Variants in SEMA3C observed in about 807,000 individuals in gnomAD.
SEMA3C encodes the protein semaphorin 3C, also known as semaphorin-3C.
In SEMA3C, 47 loss-of-function variants were observed where a neutral mutation model predicts 89.4. The observed-to-expected ratio is 0.53, with a 90% CI of 0.42 to 0.67. The LOEUF is 0.67. Ranked by LOEUF, SEMA3C falls within the 30% of genes least tolerant of loss-of-function variation. SEMA3C has a pLI of 0.00. For missense variants in SEMA3C, 839 were observed against 929.1 expected (o/e 0.90, Z 1.26); for synonymous variants, 310 against 320.2 (o/e 0.97, Z 0.34).
At chr7:80,814,573 T>C (rs1284353454) in intron 5 of SEMA3C, among the ~76,000 whole-genome samples, 3 of 152,082 alleles carry the variant, frequency 2.0e-5, no homozygotes, top group Admixed American at 2.0e-4. Flanking sequence ...CACACGTGTA[T>C]ATACTCAGTC....
In SEMA3C at chr7:80,789,395, C is replaced by T. The variant is rs780344553; in HGVS notation, c.1265G>A (p.Arg422His). ...YPIHKRPLIV[R>H]IGTDYKYTKI... ...TGTATACTTGTAGTCAGTGCCAATA[C>T]GAACAATCAAAGGCCTTTTGTGGAT... is the stretch of plus-strand genomic sequence containing the variant. Residue 422 changes from arginine (R) to histidine (H), a missense_variant, in exon 12 of 18, where the codon CGT becomes CAT. Arg to His is a conservative substitution (Grantham distance 29). Coordinates refer to ENST00000265361, the MANE Select transcript of SEMA3C (RefSeq NM_006379.5). 1.6e-5 allele frequency: 26 copies of T among 1,613,882 alleles called. No homozygotes were observed. Among genetic ancestry groups the T allele is most frequent in the South Asian group, 4.4e-5 (4 of 91,072 alleles).
chr7:80,757,101 C>T (rs945844925), intron 15 of SEMA3C, among the ~76,000 whole-genome samples: 1 of 152,082 alleles, frequency 6.6e-6, no homozygotes, highest in African/African-American at 2.4e-5. Context: ...ACTTTTAATA[C>T]ACAAAAGCTC....
At chr7:80,881,156 G>T in intron 2 of SEMA3C, among the ~76,000 whole-genome samples, 1 of 140,766 alleles carries the variant, frequency 7.1e-6, no homozygotes, top group African/African-American at 2.7e-5. Context: ...TTGTTGCCTG[G>T]AGAAAGAAAC....
chr7:80,897,747 C>A (rs1340878604), intron 2 of SEMA3C, among the ~76,000 whole-genome samples: 1 of 152,046 alleles, frequency 6.6e-6, no homozygotes, highest in African/African-American at 2.4e-5. Context: ...CTTCATTTAC[C>A]ATTTAAAAGA....
chr7:80,781,764 A>C (rs986586802), intron 12 of SEMA3C, among the ~76,000 whole-genome samples: 1 of 152,176 alleles, frequency 6.6e-6, no homozygotes. Flanking sequence ...TCAGGCTAGA[A>C]AATTTTCCTT....
rs1197761330 is a variant in SEMA3C at position 80,744,328 on chromosome 7, A to G, written c.*566T>C. On this transcript the variant is annotated 3_prime_UTR_variant, in exon 18 of 18. Transcript: ENST00000265361. ...CTGATTATTTTTACAATCTTAAAAAAACCCCAACATATTTCATTGGAACCA... is the reference window on the plus strand; with the variant it reads ...CTGATTATTTTTACAATCTTAAAAAGACCCCAACATATTTCATTGGAACCA... 3 of 152,596 alleles carry G rather than the reference A, an allele frequency of 2.0e-5. No homozygotes were observed. The highest frequency in any genetic ancestry group is 1.3e-4 in the Admixed American group (2 of 15,286). The allele number at this position is 152,596 out of a possible 1,614,324, so 9.5% of individuals were successfully genotyped here.
intron 12 of SEMA3C, among the ~76,000 whole-genome samples, chr7:80,767,212 A>T (rs1788325140): frequency 6.6e-6 from 1 of 152,198 alleles, no homozygotes; most frequent in African/African-American, 2.4e-5. Context: ...GCAGGAACTT[A>T]GGTTGCTGCA....
chr7:80,818,522 G>A (rs1789666068), intron 4 of SEMA3C, 104 bp from the exon 5 acceptor site: 2 of 1,327,638 alleles, frequency 1.5e-6, no homozygotes, highest in Non-Finnish European at 2.1e-6. Flanking sequence ...ACAATGAGGT[G>A]ACATAAACTT....
intron 12 of SEMA3C, among the ~76,000 whole-genome samples, chr7:80,784,743 T>C (rs1369809423): frequency 6.6e-6 from 1 of 152,202 alleles, no homozygotes; most frequent in Non-Finnish European, 1.5e-5. Flanking sequence ...TGGGTGTGGC[T>C]ATATTTTAAT....
chr7:80,850,625 G>A (rs1044559001), intron 2 of SEMA3C, among the ~76,000 whole-genome samples: 1 of 152,070 alleles, frequency 6.6e-6, no homozygotes, highest in African/African-American at 2.4e-5. Flanking sequence ...GACGGTCACC[G>A]GAGTGACAAA....
chr7:80,872,797 C>CTCAA (rs1491206589), intron 2 of SEMA3C, among the ~76,000 whole-genome samples: 3 of 40,100 alleles, frequency 7.5e-5, no homozygotes, highest in African/African-American at 2.5e-4. Flanking sequence ...GAGACTCTGT[C>CTCAA]AAAAAAAAAA....
intron 2 of SEMA3C, among the ~76,000 whole-genome samples, chr7:80,864,473 CTT>C (rs1288079393): frequency 6.6e-6 from 1 of 151,874 alleles, no homozygotes; most frequent in African/African-American, 2.4e-5. Context: ...CAATATTTAA[CTT>C]AACACAAGGG....
chr7:80,812,390 C>A (rs1038232961), intron 5 of SEMA3C, among the ~76,000 whole-genome samples: 3 of 152,164 alleles, frequency 2.0e-5, no homozygotes, highest in Non-Finnish European at 2.9e-5. Flanking sequence ...TCTCCTGACT[C>A]CTAGTGAATC....
At chr7:80,787,677 G>C (rs1483264007) in intron 12 of SEMA3C, among the ~76,000 whole-genome samples, 1 of 152,206 alleles carries the variant, frequency 6.6e-6, no homozygotes, top group East Asian at 1.9e-4. Context: ...AGTGGGTGAA[G>C]ATGGATATTT....
At chr7:80,759,555 A>AATG (rs1788138510) in intron 14 of SEMA3C, among the ~76,000 whole-genome samples, 1 of 152,172 alleles carries the variant, frequency 6.6e-6, no homozygotes, top group Non-Finnish European at 1.5e-5. Flanking sequence ...GTAAGAAATA[A>AATG]ATGTTGTAAG....
At chr7:80,912,905 A>G (rs568687519) in intron 2 of SEMA3C, among the ~76,000 whole-genome samples, 89 of 152,314 alleles carry the variant, frequency 5.8e-4, no homozygotes, top group Admixed American at 1.2e-3. Flanking sequence ...TTTTCAGTTT[A>G]TTGTCCAATA....
At chr7:80,867,548 C>T (rs1026178499) in intron 2 of SEMA3C, among the ~76,000 whole-genome samples, 3 of 152,150 alleles carry the variant, frequency 2.0e-5, no homozygotes, top group African/African-American at 7.2e-5. Context: ...TTGACCTCTT[C>T]GTGTTTCCCT....
At chr7:80,755,639 T>C (rs1788048862) in intron 15 of SEMA3C, among the ~76,000 whole-genome samples, 1 of 151,960 alleles carries the variant, frequency 6.6e-6, no homozygotes, top group African/African-American at 2.4e-5. Flanking sequence ...GATTGAAGAT[T>C]ATATTGCAGG....
At chr7:80,830,061 A>G (rs1789975485) in intron 2 of SEMA3C, among the ~76,000 whole-genome samples, 1 of 152,226 alleles carries the variant, frequency 6.6e-6, no homozygotes, top group Non-Finnish European at 1.5e-5. Context: ...CTTGGGCCAT[A>G]GCCCATATGA....
Sources: allele counts gnomAD v4.1 joint callset (sites outside exome capture counted in the v4.1 genomes callset), GRCh38; gene constraint gnomAD v4.1.1; transcripts MANE v1.5; gene names NCBI Gene and HGNC (gene_info 2026-07-23, HGNC 2026-07-21).